The following SMAP1 variants were observed in gnomAD, a reference collection of about 807,000 sequenced individuals.
SMAP1 encodes small ArfGAP 1.
Under a neutral mutation model 58.5 loss-of-function variants are expected in SMAP1, and 24 were observed. The observed-to-expected ratio is 0.41, with a 90% CI of 0.30 to 0.58. The LOEUF (loss-of-function observed/expected upper bound fraction) is 0.58. SMAP1 is among the 20% of genes least tolerant of loss of function. The pLI is 0.29. For synonymous variants in SMAP1, 216 were observed against 196.6 expected (o/e 1.10, Z -0.82); for missense variants, 563 against 566.3 (o/e 0.99, Z 0.06).
intron 8 of SMAP1, among the ~76,000 whole-genome samples, chr6:70,854,240 G>A (rs1228902923): frequency 3.3e-5 from 5 of 152,180 alleles, no homozygotes; most frequent in Non-Finnish European, 7.3e-5. Context: ...GTTGAGCACT[G>A]GTTAGACTGT....
At chr6:70,679,762 T>C (rs1219393289) in intron 1 of SMAP1, among the ~76,000 whole-genome samples, 1 of 152,224 alleles carries the variant, frequency 6.6e-6, no homozygotes, top group African/African-American at 2.4e-5. Flanking sequence ...AGAGATATCA[T>C]GCTCATGGAT....
chr6:70,846,906 G>T (rs1033212471), intron 7 of SMAP1, among the ~76,000 whole-genome samples: 1 of 152,218 alleles, frequency 6.6e-6, no homozygotes, highest in Non-Finnish European at 1.5e-5. Context: ...TTACTGTGCA[G>T]ATTCCCTCCA....
chr6:70,819,894 AC>A (rs1311378526), intron 6 of SMAP1, among the ~76,000 whole-genome samples: 1 of 152,188 alleles, frequency 6.6e-6, no homozygotes, highest in Non-Finnish European at 1.5e-5. Context: ...GTGGTTTCAA[AC>A]ATTGGACTGG....
chr6:70,738,334 G>A (rs939123250), intron 2 of SMAP1, among the ~76,000 whole-genome samples: 16 of 151,956 alleles, frequency 1.1e-4, no homozygotes, highest in African/African-American at 3.9e-4. Flanking sequence ...AAAAATGTTG[G>A]CACTCTCACA....
At chr6:70,671,470 G>A (rs550463433) in intron 1 of SMAP1, among the ~76,000 whole-genome samples, 2 of 152,090 alleles carry the variant, frequency 1.3e-5, no homozygotes, top group African/African-American at 4.8e-5. Context: ...CGTGGGAGGC[G>A]GAGGCAAGAG....
At chr6:70,801,727 A>G (rs1196723325) in intron 6 of SMAP1, among the ~76,000 whole-genome samples, 2 of 152,320 alleles carry the variant, frequency 1.3e-5, no homozygotes, top group Non-Finnish European at 2.9e-5. Context: ...TCAGCTTTCT[A>G]CATATGGCTA....
chr6:70,709,585 G>T (rs1767971281), intron 1 of SMAP1, among the ~76,000 whole-genome samples: 1 of 152,168 alleles, frequency 6.6e-6, no homozygotes, highest in Non-Finnish European at 1.5e-5. Flanking sequence ...GTTTCCCAAA[G>T]TGTTGGGATT....
chr6:70,858,301 T>G, intron 10 of SMAP1, 72 bp downstream of exon 10: 266 of 1,322,942 alleles, frequency 2.0e-4, no homozygotes, highest in East Asian at 8.1e-4. Flanking sequence ...TTTTTTTTTT[T>G]TTTTTTTTTT....
intron 4 of SMAP1, among the ~76,000 whole-genome samples, chr6:70,783,446 G>A (rs1767853901): frequency 6.6e-6 from 1 of 152,220 alleles, no homozygotes; most frequent in Non-Finnish European, 1.5e-5. Flanking sequence ...AACAATGCTG[G>A]ACAGAGAATG....
At chr6:70,675,637 C>G (rs140649840) in intron 1 of SMAP1, among the ~76,000 whole-genome samples, 1 of 144,322 alleles carries the variant, frequency 6.9e-6, no homozygotes. Flanking sequence ...GGCAACAGAG[C>G]GAGACTCCAT....
intron 1 of SMAP1, among the ~76,000 whole-genome samples, chr6:70,668,900 G>A (rs1487005373): frequency 6.6e-6 from 1 of 152,172 alleles, no homozygotes; most frequent in African/African-American, 2.4e-5. Context: ...GCTAGTTTGG[G>A]AGAATATGTG....
intron 1 of SMAP1, among the ~76,000 whole-genome samples, chr6:70,691,643 T>A (rs192316596): frequency 6.6e-6 from 1 of 152,338 alleles, no homozygotes; most frequent in East Asian, 1.9e-4. Context: ...ATCATCATTC[T>A]ACTCTCTATC....
chr6:70,855,195 G>A (rs1017268047), intron 8 of SMAP1, among the ~76,000 whole-genome samples: 1 of 152,018 alleles, frequency 6.6e-6, no homozygotes, highest in Non-Finnish European at 1.5e-5. Context: ...GAGAGCCTTC[G>A]ATTAGATGCT....
rs1435624540 is a variant in SMAP1, at chr6:70,773,435, AC to A, written c.414+12del. ...CATAGCTATTACAAATGTAAGTAAA[AC>A]CTTCATCTCTCATCAATTGTTTGTT... On this transcript the variant is annotated intron_variant, in intron 4 of 10. Coordinates refer to ENST00000370455, the MANE Select transcript of SMAP1 (RefSeq NM_001044305.3). 1.4e-6 allele frequency: 2 copies of A among 1,466,626 alleles called. No individual in the cohort carries two copies. 90.9% of individuals were successfully genotyped at this position (1,466,626 alleles called of 1,614,324 possible).
At chr6:70,757,132 C>A (rs989459129) in intron 3 of SMAP1, among the ~76,000 whole-genome samples, 2 of 151,954 alleles carry the variant, frequency 1.3e-5, no homozygotes, top group Non-Finnish European at 2.9e-5. Context: ...TACAAGGCTA[C>A]AGTAACCAAA....
intron 1 of SMAP1, among the ~76,000 whole-genome samples, chr6:70,698,267 G>A (rs930212194): frequency 1.3e-5 from 2 of 152,066 alleles, no homozygotes; most frequent in Admixed American, 6.5e-5. Flanking sequence ...GACATATGCT[G>A]CCAGATGTGT....
intron 1 of SMAP1, among the ~76,000 whole-genome samples, chr6:70,710,976 C>T (rs566219819): frequency 6.6e-6 from 1 of 152,070 alleles, no homozygotes; most frequent in African/African-American, 2.4e-5. Flanking sequence ...ACATCCTATC[C>T]CATGGAAGGT....
intron 6 of SMAP1, among the ~76,000 whole-genome samples, chr6:70,825,807 A>C (rs753965967): frequency 1.3e-5 from 2 of 152,184 alleles, no homozygotes; most frequent in African/African-American, 4.8e-5. Context: ...AGTTATTTTG[A>C]GCAAACCAGG....
At chr6:70,755,108 A>C in intron 3 of SMAP1, 43 bp downstream of exon 3, 1 of 1,417,058 alleles carries the variant, frequency 7.1e-7, no homozygotes, top group Non-Finnish European at 9.9e-7. Flanking sequence ...AAAAACATTA[A>C]CTCATTTTTA....
Sources: allele counts gnomAD v4.1 joint callset (sites outside exome capture counted in the v4.1 genomes callset), GRCh38; gene constraint gnomAD v4.1.1; transcripts MANE v1.5; gene names NCBI Gene and HGNC (gene_info 2026-07-23, HGNC 2026-07-21).